The following LEP variants were observed in gnomAD, a reference collection of about 807,000 sequenced individuals.
LEP encodes the protein leptin.
Under a neutral mutation model 9.8 loss-of-function variants are expected in LEP, and 6 were observed. That is an observed-to-expected ratio of 0.61 (90% CI 0.34 to 1.21). LEP has a LOEUF of 1.21. Ranked by LOEUF, LEP falls within the 50% of genes most tolerant of loss-of-function variation. The probability of loss-of-function intolerance (pLI) is 0.04; values close to 1 mark genes in which losing one functional copy is unlikely to be tolerated. For synonymous variants in LEP, 112 were observed against 81.7 expected (o/e 1.37, Z -2.00); for missense variants, 134 against 198.1 (o/e 0.68, Z 1.94).
intron 1 of LEP, among the ~76,000 whole-genome samples, chr7:128,250,933 T>G (rs975278032): frequency 3.3e-5 from 5 of 152,252 alleles, no homozygotes; most frequent in Non-Finnish European, 5.9e-5. Context: ...AAAATTTTGC[T>G]GCTTAATCAA....
chr7:128,245,087 G>A (rs1427595255), intron 1 of LEP, among the ~76,000 whole-genome samples: 1 of 152,004 alleles, frequency 6.6e-6, no homozygotes, highest in Admixed American at 6.6e-5. Context: ...TCTTGGGTAG[G>A]TTAGATCTCC....
At chr7:128,246,381 T>C (rs1795211358) in intron 1 of LEP, among the ~76,000 whole-genome samples, 1 of 152,090 alleles carries the variant, frequency 6.6e-6, no homozygotes, top group African/African-American at 2.4e-5. Context: ...ACAGCAGAAT[T>C]TGTGGTGGGG....
rs28959476 is a variant in LEP, at chr7:128,257,510, A to T, written c.*2747A>T. The T allele has an allele frequency of 1.7e-4, 26 of 150,926 alleles. No homozygotes were observed. The highest frequency in any genetic ancestry group is 6.3e-4 in the African/African-American group (26 of 41,152). 9.3% of individuals were successfully genotyped at this position (150,926 alleles called of 1,614,324 possible). A position where few individuals can be genotyped will look rare whatever the true frequency, so the allele number is the denominator to read the frequency against. On this transcript the variant is annotated 3_prime_UTR_variant, in exon 3 of 3. Transcript: ENST00000308868. ...CTTAAACCTGGGAGGCGGAGAGTAC[A>T]GTGAGCCAAGATCGCGCCACTGCAC...
intron 1 of LEP, among the ~76,000 whole-genome samples, chr7:128,244,565 T>C (rs978594163): frequency 2.0e-5 from 3 of 152,232 alleles, no homozygotes; most frequent in Admixed American, 6.5e-5. Context: ...TTGACACTTA[T>C]TTCTCTTACA....
rs1030544463 is a variant in LEP at position 128,247,184 on chromosome 7, G to A, written c.-28-4807G>A. 1.1e-4 allele frequency among the ~76,000 whole-genome samples: 16 copies of A among 152,236 alleles called. No individual in the cohort carries two copies. In the South Asian group the frequency reaches 1.9e-3, roughly 18 times the overall value. On this transcript the variant is annotated intron_variant, in intron 1 of 2. Coordinates refer to ENST00000308868, the MANE Select transcript of LEP (RefSeq NM_000230.3). Reference sequence around the variant, plus strand: ...GCAGCTCAGGCAGACAGCTGATCGCGGCCTTTCTTCCACCCCAACCCATGC... The same window carrying A: ...GCAGCTCAGGCAGACAGCTGATCGCAGCCTTTCTTCCACCCCAACCCATGC...
At chr7:128,245,624 C>T (rs965929342) in intron 1 of LEP, among the ~76,000 whole-genome samples, 1 of 152,208 alleles carries the variant, frequency 6.6e-6, no homozygotes. Flanking sequence ...AAGCTTTTCC[C>T]TCATAATTAA....
chr7:128,249,277 A>G (rs1233418347), intron 1 of LEP, among the ~76,000 whole-genome samples: 1 of 152,228 alleles, frequency 6.6e-6, no homozygotes, highest in Non-Finnish European at 1.5e-5. Context: ...TGTCTCTCAC[A>G]CACACCCAGC....
In LEP at chr7:128,254,574, G is replaced by T. The variant is rs755102882; in HGVS notation, c.315G>T (p.Arg105=). 1 of 1,614,178 alleles carries T rather than the reference G, an allele frequency of 6.2e-7. No individual in the cohort carries two copies. Residue 105 remains arginine (R), a synonymous_variant, in exon 3 of 3, where the codon CGG becomes CGT. Transcript: ENST00000308868. ...TATCCAACGACCTGGAGAACCTCCG[G>T]GATCTTCTTCACGTGCTGGCCTTCT... ...IQISNDLENL[R]DLLHVLAFSK... is the part of the protein sequence containing the mutation.
At chr7:128,245,891 G>A (rs551039970) in intron 1 of LEP, among the ~76,000 whole-genome samples, 7 of 151,876 alleles carry the variant, frequency 4.6e-5, no homozygotes, top group South Asian at 4.2e-4. Context: ...GTGAAGCCTC[G>A]TCTCTACTAA....
chr7:128,241,835 G>A (rs1296837491), intron 1 of LEP, among the ~76,000 whole-genome samples: 1 of 152,226 alleles, frequency 6.6e-6, no homozygotes, highest in Non-Finnish European at 1.5e-5. Context: ...AGGCAAGGAT[G>A]AGTAGAGGTG....
In LEP at chr7:128,251,975, T is replaced by G. The variant is rs199798180; in HGVS notation, c.-28-16T>G. 6.2e-6 allele frequency: 10 copies of G among 1,609,432 alleles called. No individual in the cohort carries two copies. Among genetic ancestry groups the G allele is most frequent in the Non-Finnish European group, 7.7e-6 (9 of 1,175,792 alleles). On this transcript the variant is annotated splice_polypyrimidine_tract_variant and intron_variant, in intron 1 of 2. Transcript: ENST00000308868. ...GATACCGGCTCCTTGCAGTGTGTGG[T>G]TCCTTCTGTTTTCAGGCCCAAGAAG... is the stretch of plus-strand genomic sequence containing the variant.
rs116086890 is a variant in LEP, at chr7:128,243,295, T to C, written c.-29+1989T>C. On this transcript the variant is annotated intron_variant, in intron 1 of 2. Coordinates refer to ENST00000308868, the MANE Select transcript of LEP (RefSeq NM_000230.3). ...TTATAATCAATGCCCATACCAACAT[T>C]TCACTAATATCATAGGAGATTTAGT... Among the ~76,000 whole-genome samples, 203 of 152,342 alleles carry C rather than the reference T, an allele frequency of 1.3e-3. 1 individual carries two copies. Among genetic ancestry groups the C allele is most frequent in the African/African-American group, 4.7e-3 (196 of 41,586 alleles).
At chr7:128,252,762 G>A (rs1411817873) in intron 2 of LEP, among the ~76,000 whole-genome samples, 7 of 151,750 alleles carry the variant, frequency 4.6e-5, no homozygotes, top group Non-Finnish European at 8.8e-5. Context: ...AAAAGTCATA[G>A]GATTTGATCA....
At chr7:128,246,861 C>T (rs1328246238) in intron 1 of LEP, among the ~76,000 whole-genome samples, 1 of 152,072 alleles carries the variant, frequency 6.6e-6, no homozygotes, top group East Asian at 1.9e-4. Flanking sequence ...ATGGGGCAGC[C>T]AGGCCTTGAT....
chr7:128,254,883 C>T lies in LEP; in HGVS notation c.*120C>T. 8.8e-7 allele frequency: 1 copy of T among 1,133,000 alleles called. No homozygotes were observed. Among genetic ancestry groups the T allele is most frequent in the East Asian group, 2.5e-5 (1 of 40,108 alleles). 70.2% of individuals were successfully genotyped at this position (1,133,000 alleles called of 1,614,324 possible). A position where few individuals can be genotyped will look rare whatever the true frequency, so the allele number is the denominator to read the frequency against. On this transcript the variant is annotated 3_prime_UTR_variant, in exon 3 of 3. Transcript: ENST00000308868. Reference sequence around the variant, plus strand: ...CCCTTATCCAGGACTCTGTCAATTTCCCTGACTCCTCTAAGCCACTCTTCC... The same window carrying T: ...CCCTTATCCAGGACTCTGTCAATTTTCCTGACTCCTCTAAGCCACTCTTCC...
At position 128,254,767 on chromosome 7, in the gene LEP, C is replaced by T. The variant is rs763150646; in HGVS notation, c.*4C>T. The T allele has an allele frequency of 1.5e-5, 24 of 1,607,158 alleles. No individual in the cohort carries two copies. Among genetic ancestry groups the T allele is most frequent in the Non-Finnish European group, 1.7e-5 (20 of 1,179,942 alleles). On this transcript the variant is annotated 3_prime_UTR_variant, in exon 3 of 3. Transcript: ENST00000308868. ...GGACCTCAGCCCTGGGTGCTGAGGC[C>T]TTGAAGGTCACTCTTCCTGCAAGGA...
At position 128,254,700 on chromosome 7, in the gene LEP, G is replaced by A. The variant is rs1008004208; in HGVS notation, c.441G>A (p.Leu147=). 2.5e-6 allele frequency: 4 copies of A among 1,613,838 alleles called. No homozygotes were observed. The highest frequency in any genetic ancestry group is 1.7e-5 in the Admixed American group (1 of 60,024). The change falls in exon 3 of 3, where the codon CTG becomes CTA. Residue 147 remains leucine (L), a synonymous_variant. Transcript: ENST00000308868. ...GCTACTCCACAGAGGTGGTGGCCCT[G>A]AGCAGGCTGCAGGGGTCTCTGCAGG... ...ASGYSTEVVA[L]SRLQGSLQDM...
intron 1 of LEP, among the ~76,000 whole-genome samples, chr7:128,241,908 A>G (rs1795155671): frequency 6.6e-6 from 1 of 152,192 alleles, no homozygotes; most frequent in African/African-American, 2.4e-5. Flanking sequence ...GTCTTACCAG[A>G]TCTGTCCTCA....
At chr7:128,247,508 G>C (rs1795226083) in intron 1 of LEP, among the ~76,000 whole-genome samples, 2 of 152,220 alleles carry the variant, frequency 1.3e-5, no homozygotes, top group South Asian at 4.1e-4. Context: ...TGCGATTCCA[G>C]CCCAAGCCCT....
Sources: gnomAD v4.1 joint callset for allele counts (sites outside exome capture counted in the v4.1 genomes callset) on GRCh38, gnomAD v4.1.1 for gene constraint, MANE v1.5 for transcripts, NCBI Gene and HGNC (gene_info 2026-07-23, HGNC 2026-07-21) for gene names.